Variants in PKHD1 observed in about 807,000 individuals in gnomAD.
PKHD1 encodes fibrocystin.
PKHD1 carries 291 observed loss-of-function variants against 412.0 expected under a neutral mutation model. The observed-to-expected ratio is 0.71, with a 90% confidence interval of 0.64 to 0.78. The LOEUF (loss-of-function observed/expected upper bound fraction) is 0.78. PKHD1 is among the 30% of genes least tolerant of loss of function. The pLI is 0.00. For synonymous variants in PKHD1, 1,777 were observed against 1,821.5 expected (o/e 0.98, Z 0.62); for missense variants, 4,825 against 4,950.7 (o/e 0.97, Z 0.76).
At chr6:52,079,207 A>G (rs1339983799) in intron 5 of PKHD1, among the ~76,000 whole-genome samples, 1 of 152,246 alleles carries the variant, frequency 6.6e-6, no homozygotes, top group Non-Finnish European at 1.5e-5. Context: ...ACTGAACCAA[A>G]TATAAATGAA....
rs575989514 is a variant in PKHD1 at position 51,746,661 on chromosome 6, G to A, written c.9998+60C>T. On this transcript the variant is annotated intron_variant, in intron 59 of 66. Transcript: ENST00000371117. ...ATTCCTTTCAAAAAACATGTTTAGGGTTTGAAGAATTGCCAAGTACTTCAT... is the reference window on the plus strand; with the variant it reads ...ATTCCTTTCAAAAAACATGTTTAGGATTTGAAGAATTGCCAAGTACTTCAT... 1.1e-5 allele frequency: 11 copies of A among 1,029,922 alleles called. No homozygotes were observed. The Admixed American group carries it at 1.5e-4, about 14-fold the overall frequency. The allele number at this position is 1,029,922 out of a possible 1,614,324, so 63.8% of individuals were successfully genotyped here.
intron 7 of PKHD1, 66 bp from the exon 8 acceptor site, chr6:52,072,255 C>G: frequency 3.1e-6 from 3 of 982,458 alleles, no homozygotes; most frequent in Non-Finnish European, 4.9e-6. Context: ...AATAAACATT[C>G]CTCACAAAAC....
intron 35 of PKHD1, among the ~76,000 whole-genome samples, chr6:52,009,947 T>G (rs765332): frequency 0.09 from 13,718 of 151,940 alleles, 792 homozygotes; most frequent in South Asian, 0.14. Context: ...GCTGAGTGAT[T>G]TGGAAGCCTT....
At position 51,950,508 on chromosome 6, in the gene PKHD1, G is replaced by T. The variant is rs960984393; in HGVS notation, c.5908+9362C>A. Reference sequence around the variant, plus strand: ...CTCCTTTTATTGTTTTAGGCTAGTAGTTCTCAAACTTGAACCTGCATCAGA... The same window carrying T: ...CTCCTTTTATTGTTTTAGGCTAGTATTTCTCAAACTTGAACCTGCATCAGA... On this transcript the variant is annotated intron_variant, in intron 36 of 66. Coordinates refer to ENST00000371117, the MANE Select transcript of PKHD1 (RefSeq NM_138694.4). Among the ~76,000 whole-genome samples, 29 of 152,030 alleles carry T rather than the reference G, an allele frequency of 1.9e-4. 1 individual carries two copies. Among genetic ancestry groups the T allele is most frequent in the African/African-American group, 6.8e-4 (28 of 41,378 alleles).
intron 9 of PKHD1, among the ~76,000 whole-genome samples, chr6:52,070,719 G>A (rs899173139): frequency 1.3e-5 from 2 of 152,104 alleles, no homozygotes; most frequent in Admixed American, 1.3e-4. Flanking sequence ...CCCAGGCTTC[G>A]AGTTAGATGG....
intron 55 of PKHD1, among the ~76,000 whole-genome samples, chr6:51,764,053 A>C: frequency 6.8e-6 from 1 of 147,478 alleles, no homozygotes; most frequent in African/African-American, 2.5e-5. Context: ...GCACCCACTA[A>C]CTCATCATCT....
intron 55 of PKHD1, among the ~76,000 whole-genome samples, chr6:51,757,790 C>T (rs2151037139): frequency 6.6e-6 from 1 of 152,008 alleles, no homozygotes; most frequent in East Asian, 1.9e-4. Context: ...ATCACTTGAA[C>T]CCAGGAGTTC....
intron 53 of PKHD1, among the ~76,000 whole-genome samples, chr6:51,777,332 A>G (rs566317612): frequency 5.2e-4 from 79 of 152,226 alleles, no homozygotes; most frequent in African/African-American, 1.9e-3. Flanking sequence ...CTTCACAGCC[A>G]TTACTCTAGT....
chr6:51,733,132 T>G (rs1461686531), intron 60 of PKHD1, among the ~76,000 whole-genome samples: 2 of 152,152 alleles, frequency 1.3e-5, no homozygotes, highest in Non-Finnish European at 2.9e-5. Flanking sequence ...AAGTTACTGT[T>G]TAATGACATT....
At chr6:51,886,087 G>A (rs1778170984) in intron 44 of PKHD1, 115 bp from the exon 45 acceptor site, 1 of 749,540 alleles carries the variant, frequency 1.3e-6, no homozygotes, top group Non-Finnish European at 2.4e-6. Context: ...AAGGTAGATG[G>A]AATCTGTGAC....
intron 53 of PKHD1, among the ~76,000 whole-genome samples, chr6:51,782,626 A>T (rs1033566354): frequency 6.6e-6 from 1 of 152,138 alleles, no homozygotes; most frequent in African/African-American, 2.4e-5. Context: ...AACTGAACTA[A>T]CCATCTATTT....
intron 52 of PKHD1, among the ~76,000 whole-genome samples, chr6:51,818,546 C>G (rs964566271): frequency 6.6e-6 from 1 of 152,148 alleles, no homozygotes; most frequent in Non-Finnish European, 1.5e-5. Context: ...TTTCCCTCAA[C>G]TGTAAAATGT....
In PKHD1 at chr6:52,060,038, G is replaced by A. The variant is rs376040501; in HGVS notation, c.1123C>T (p.Arg375Trp). Residue 375 changes from arginine to tryptophan, a missense_variant, in exon 15 of 67, where the codon CGG (arginine) becomes TGG (tryptophan). Physicochemically the swap from Arg to Trp is moderately radical, Grantham distance 101 (BLOSUM62 -3). Coordinates refer to ENST00000371117, the MANE Select transcript of PKHD1 (RefSeq NM_138694.4). ...GGAGCCACAAAGAACCCACTGAGCC[G>A]TGCTCTGTAAAGTAGAACATAGAGT... is the stretch of plus-strand genomic sequence containing the variant. Reference protein sequence around the residue: ...WSQEGQPFRARLSGFFVAPET... With the variant: ...WSQEGQPFRAWLSGFFVAPET... The A allele has an allele frequency of 2.6e-5, 41 of 1,583,548 alleles. No individual in the cohort carries two copies. Among genetic ancestry groups the A allele is most frequent in the Middle Eastern group, 1.7e-4 (1 of 6,038 alleles).
chr6:51,639,645 T>C (rs1769085006), intron 63 of PKHD1, among the ~76,000 whole-genome samples: 2 of 152,280 alleles, frequency 1.3e-5, no homozygotes, highest in African/African-American at 4.8e-5. Context: ...CATCCATTTA[T>C]AACGTGAAAA....
chr6:51,706,573 G>C (rs1780048630), intron 60 of PKHD1, among the ~76,000 whole-genome samples: 1 of 151,846 alleles, frequency 6.6e-6, no homozygotes, highest in Non-Finnish European at 1.5e-5. Context: ...AGTGGAAGAG[G>C]GGTCAGTAAA....
intron 63 of PKHD1, among the ~76,000 whole-genome samples, chr6:51,644,768 C>T (rs1317180609): frequency 6.6e-6 from 1 of 152,170 alleles, no homozygotes. Flanking sequence ...CAACCTCCAC[C>T]TCCCGGGTTC....
intron 36 of PKHD1, among the ~76,000 whole-genome samples, chr6:51,958,117 T>G (rs1197446882): frequency 4.6e-5 from 7 of 152,208 alleles, no homozygotes; most frequent in Admixed American, 2.6e-4. Flanking sequence ...GATAAAAACC[T>G]CAGCGTTTCA....
At chr6:51,950,189 C>T (rs1790093206) in intron 36 of PKHD1, among the ~76,000 whole-genome samples, 1 of 99,280 alleles carries the variant, frequency 1.0e-5, no homozygotes, top group African/African-American at 3.9e-5. Context: ...CCTGGTACTG[C>T]AGTCAAATGG....
In PKHD1 at chr6:51,883,211, T is replaced by A; in HGVS notation, c.7232A>T (p.Asn2411Ile). ...AGGAQIFRSSNLRLKNFKVYS... is the reference protein window; with the variant it reads ...AGGAQIFRSSILRLKNFKVYS... ...AACTTTGAAGTTTTTCAGGCGAAGA[T>A]TGCTACTTCTAAAAATCTATAAAAT... Residue 2411 changes from asparagine (N) to isoleucine (I), a missense_variant, in exon 46 of 67, where the codon AAT becomes ATT. Transcript: ENST00000371117. 6.2e-7 allele frequency: 1 copy of A among 1,613,630 alleles called. No individual in the cohort carries two copies. Among genetic ancestry groups the A allele is most frequent in the East Asian group, 2.2e-5 (1 of 44,864 alleles).
Sources: gnomAD v4.1 joint callset for allele counts (sites outside exome capture counted in the v4.1 genomes callset) on GRCh38, gnomAD v4.1.1 for gene constraint, MANE v1.5 for transcripts, NCBI Gene and HGNC (gene_info 2026-07-23, HGNC 2026-07-21) for gene names.